The following CYP7B1 variants were observed in gnomAD, a reference collection of about 807,000 sequenced individuals.
CYP7B1 encodes the protein cytochrome P450 7B1.
Under a neutral mutation model 42.7 loss-of-function variants are expected in CYP7B1, and 29 were observed. The ratio of observed to expected loss-of-function variants is 0.68; its 90% CI spans 0.51 to 0.93. CYP7B1 has a LOEUF of 0.93. CYP7B1 is among the 40% of genes least tolerant of loss of function. The pLI, the probability that CYP7B1 is intolerant of heterozygous loss-of-function variation, is 0.00. For missense variants in CYP7B1, 655 were observed against 600.5 expected (o/e 1.09, Z -0.95); for synonymous variants, 235 against 218.2 (o/e 1.08, Z -0.68).
At position 64,635,965 on chromosome 8, in the gene CYP7B1, T is replaced by C. The variant is rs1266064174; in HGVS notation, c.123-11426A>G. 2.0e-5 allele frequency among the ~76,000 whole-genome samples: 3 copies of C among 152,340 alleles called. No homozygotes were observed. The Middle Eastern group carries it at 0.01, about 518-fold the overall frequency. Reference sequence around the variant, plus strand: ...ATGTAAGATTTCAACCAGAGAAGTCTAGAACTTTGTTGTTGTTGTTGTTTC... The same window carrying C: ...ATGTAAGATTTCAACCAGAGAAGTCCAGAACTTTGTTGTTGTTGTTGTTTC... On this transcript the variant is annotated intron_variant, in intron 1 of 5. Transcript: ENST00000310193.
intron 1 of CYP7B1, among the ~76,000 whole-genome samples, chr8:64,675,925 G>C (rs987638810): frequency 1.3e-5 from 2 of 152,096 alleles, no homozygotes; most frequent in Non-Finnish European, 2.9e-5. Context: ...TACACCCCCA[G>C]GGGGGTCTCT....
rs1585913781 is a variant in CYP7B1, at chr8:64,785,517, T to TACATA, written c.122+12948_122+12949insTATGT. 3.9e-5 allele frequency among the ~76,000 whole-genome samples: 6 copies of TACATA among 152,210 alleles called. No individual in the cohort carries two copies. In the East Asian group the frequency reaches 1.2e-3, roughly 29 times the overall value. ...GTACATCTATGTAATTTAGAATAAT[T>TACATA]GAGTGATTAAAAAGAAGAGCTATCA... On this transcript the variant is annotated intron_variant, in intron 1 of 5. Transcript: ENST00000310193.
chr8:64,756,918 A>C (rs965543131), intron 1 of CYP7B1, among the ~76,000 whole-genome samples: 2 of 152,200 alleles, frequency 1.3e-5, no homozygotes, highest in Non-Finnish European at 2.9e-5. Context: ...CAGACGGTTT[A>C]AAGATTTATG....
chr8:64,639,985 A>G (rs2129630946), intron 1 of CYP7B1, among the ~76,000 whole-genome samples: 1 of 152,300 alleles, frequency 6.6e-6, no homozygotes, highest in Admixed American at 6.5e-5. Context: ...AGAAAAAAGA[A>G]CAAATCACTG....
At chr8:64,692,037 GA>G (rs993111585) in intron 1 of CYP7B1, among the ~76,000 whole-genome samples, 2 of 151,860 alleles carry the variant, frequency 1.3e-5, no homozygotes, top group African/African-American at 2.4e-5. Flanking sequence ...AACATTATTA[GA>G]AAAAAAACTC....
intron 1 of CYP7B1, among the ~76,000 whole-genome samples, chr8:64,669,647 G>A (rs1054925823): frequency 4.0e-5 from 6 of 151,508 alleles, no homozygotes; most frequent in South Asian, 4.2e-4. Flanking sequence ...ACATCATTTC[G>A]TTTCAGTAAA....
At chr8:64,648,252 A>T (rs1805984339) in intron 1 of CYP7B1, among the ~76,000 whole-genome samples, 1 of 152,016 alleles carries the variant, frequency 6.6e-6, no homozygotes. Flanking sequence ...TTTTTCTAGG[A>T]ATTATCTGTA....
At position 64,682,099 on chromosome 8, in the gene CYP7B1, C is replaced by T. The variant is rs1462227324; in HGVS notation, c.123-57560G>A. Among the ~76,000 whole-genome samples, 6 of 152,212 alleles carry T rather than the reference C, an allele frequency of 3.9e-5. No homozygotes were observed. The South Asian group carries it at 8.3e-4, about 21-fold the overall frequency. Reference sequence around the variant, plus strand: ...AGCTGTGAGTTTAAAGATGGGCAACCGTTCATTAGAAAATGAGAGGAGGAA... The same window carrying T: ...AGCTGTGAGTTTAAAGATGGGCAACTGTTCATTAGAAAATGAGAGGAGGAA... On this transcript the variant is annotated intron_variant, in intron 1 of 5. Coordinates refer to ENST00000310193, the MANE Select transcript of CYP7B1 (RefSeq NM_004820.5).
chr8:64,679,663 A>G (rs553121840), intron 1 of CYP7B1, among the ~76,000 whole-genome samples: 1 of 152,268 alleles, frequency 6.6e-6, no homozygotes, highest in Non-Finnish European at 1.5e-5. Flanking sequence ...TTTTATTCTC[A>G]TTAGGAAAAC....
intron 4 of CYP7B1, 145 bp downstream of exon 4, chr8:64,614,881 T>C: frequency 2.6e-6 from 2 of 770,960 alleles, no homozygotes; most frequent in Non-Finnish European, 4.4e-6. Flanking sequence ...GGCTATAAAC[T>C]ACATAATTTA....
intron 3 of CYP7B1, among the ~76,000 whole-genome samples, 186 bp from the exon 4 acceptor site, chr8:64,615,418 G>T (rs1381140381): frequency 6.7e-6 from 1 of 149,088 alleles, no homozygotes; most frequent in Non-Finnish European, 1.5e-5. Flanking sequence ...TAATGTGTAT[G>T]GGGGGGGCGG....
chr8:64,733,756 A>G (rs1416004671), intron 1 of CYP7B1, among the ~76,000 whole-genome samples: 2 of 152,120 alleles, frequency 1.3e-5, no homozygotes, highest in Non-Finnish European at 2.9e-5. Context: ...GGATCACTTG[A>G]GGCCAGAAGT....
At chr8:64,685,773 TGGG>T (rs201010759) in intron 1 of CYP7B1, among the ~76,000 whole-genome samples, 8 of 36,334 alleles carry the variant, frequency 2.2e-4, no homozygotes, top group Admixed American at 4.9e-4. Flanking sequence ...GGGAGGGAGG[TGGG>T]GGGGGGTCAG....
intron 1 of CYP7B1, among the ~76,000 whole-genome samples, chr8:64,640,870 G>C (rs946919160): frequency 6.6e-6 from 1 of 152,126 alleles, no homozygotes; most frequent in Non-Finnish European, 1.5e-5. Flanking sequence ...TTGCACTTGT[G>C]ATGAGCCCAG....
chr8:64,587,982 T>C (rs1275799635), downstream of CYP7B1, among the ~76,000 whole-genome samples: 1 of 152,216 alleles, frequency 6.6e-6, no homozygotes, highest in Non-Finnish European at 1.5e-5. Flanking sequence ...CCTTCTCAGC[T>C]TGGGAAAGAG....
At chr8:64,588,818 A>G (rs1045689124), downstream of CYP7B1, among the ~76,000 whole-genome samples, 1 of 152,238 alleles carries the variant, frequency 6.6e-6, no homozygotes, top group African/African-American at 2.4e-5. Context: ...CTCTCCATCT[A>G]AGATTTTGAT....
At chr8:64,606,812 C>T (rs776630433) in intron 4 of CYP7B1, among the ~76,000 whole-genome samples, 1 of 152,110 alleles carries the variant, frequency 6.6e-6, no homozygotes, top group African/African-American at 2.4e-5. Context: ...TAATGAGTTG[C>T]GTTATTATCA....
intron 1 of CYP7B1, among the ~76,000 whole-genome samples, chr8:64,752,395 CGTGT>C (rs5891973): frequency 0.25 from 36,662 of 148,162 alleles, 4,983 homozygotes; most frequent in African/African-American, 0.38. Flanking sequence ...TGTGCATGTG[CGTGT>C]GTGTGTGTGT....
chr8:64,744,788 T>C (rs1320456151), intron 1 of CYP7B1, among the ~76,000 whole-genome samples: 1 of 152,196 alleles, frequency 6.6e-6, no homozygotes, highest in Non-Finnish European at 1.5e-5. Flanking sequence ...GTGGGAATTT[T>C]CTTTGTTCTA....
Sources: gnomAD v4.1 joint callset for allele counts (sites outside exome capture counted in the v4.1 genomes callset) on GRCh38, gnomAD v4.1.1 for gene constraint, MANE v1.5 for transcripts, NCBI Gene and HGNC (gene_info 2026-07-23, HGNC 2026-07-21) for gene names.